Variants in PI4KA observed in about 807,000 individuals in gnomAD.
PI4KA encodes phosphatidylinositol 4-kinase alpha.
Under a neutral mutation model 271.4 loss-of-function variants are expected in PI4KA, and 122 were observed. The observed-to-expected ratio is 0.45, with a 90% confidence interval of 0.39 to 0.52. PI4KA has a LOEUF of 0.52. Ranked by LOEUF, PI4KA falls within the 20% of genes least tolerant of loss-of-function variation. PI4KA has a pLI of 0.00. For missense variants in PI4KA, 1,969 were observed against 2,769.1 expected (o/e 0.71, Z 6.48); for synonymous variants, 1,041 against 1,078.8 (o/e 0.96, Z 0.69).
In PI4KA at chr22:20,753,153, G is replaced by T; in HGVS notation, c.2819C>A (p.Ala940Glu). The T allele has an allele frequency of 1.2e-6, 2 of 1,613,366 alleles. No individual in the cohort carries two copies. The highest frequency in any genetic ancestry group is 1.3e-5 in the African/African-American group (1 of 75,020). The change falls in exon 24 of 55, where the codon GCG becomes GAG. Residue 940 changes from alanine (A) to glutamate (E), a missense_variant. Ala to Glu is a moderately radical substitution (Grantham distance 107). Transcript: ENST00000255882. ...SGMMQCVIAV[A>E]DKVFDAFLNM... Reference sequence around the variant, plus strand: ...CAGGAAGGCATCGAATACTTTGTCCGCGACTGCAATCACACACTGCATCAT... The same window carrying T: ...CAGGAAGGCATCGAATACTTTGTCCTCGACTGCAATCACACACTGCATCAT...
At chr22:20,713,634 C>T (rs1242921482) in intron 47 of PI4KA, among the ~76,000 whole-genome samples, 1 of 152,220 alleles carries the variant, frequency 6.6e-6, no homozygotes, top group Non-Finnish European at 1.5e-5. Context: ...AAACAGAGCC[C>T]CATTTCATCT....
chr22:20,853,705 A>G (rs1187497227), intron 1 of PI4KA, among the ~76,000 whole-genome samples: 1 of 152,156 alleles, frequency 6.6e-6, no homozygotes, highest in African/African-American at 2.4e-5. Flanking sequence ...GGATCAGAAC[A>G]GATGCTCAAG....
At chr22:20,758,208 A>G (rs570612059) in intron 23 of PI4KA, among the ~76,000 whole-genome samples, 2 of 151,930 alleles carry the variant, frequency 1.3e-5, no homozygotes, top group African/African-American at 4.8e-5. Flanking sequence ...TACTAAAAAT[A>G]CAAAAAATTA....
At position 20,787,207 on chromosome 22, in the gene PI4KA, T is replaced by C. The variant is rs756388002; in HGVS notation, c.2328+5986A>G. The C allele has an allele frequency of 7.8e-6, 6 of 765,284 alleles. No homozygotes were observed. The Admixed American group carries it at 1.2e-4, about 16-fold the overall frequency. The allele number at this position is 765,284 out of a possible 1,614,324, so 47.4% of individuals were successfully genotyped here. A position where few individuals can be genotyped will look rare whatever the true frequency, so the allele number is the denominator to read the frequency against. Reference sequence around the variant, plus strand: ...ATTCGAGGCCCATATGAGAGGAGCTTAGAAACGACCAAGAAGAGAGGCTTG... The same window carrying C: ...ATTCGAGGCCCATATGAGAGGAGCTCAGAAACGACCAAGAAGAGAGGCTTG... On this transcript the variant is annotated intron_variant, in intron 19 of 54. Coordinates refer to ENST00000255882, the MANE Select transcript of PI4KA (RefSeq NM_058004.4).
In PI4KA at chr22:20,707,883, A is replaced by C. The variant is rs1924704242; in HGVS notation, c.*164T>G. 9.3e-6 allele frequency: 7 copies of C among 751,384 alleles called. No homozygotes were observed. Among genetic ancestry groups the C allele is most frequent in the Non-Finnish European group, 1.7e-5 (7 of 406,516 alleles). The allele number at this position is 751,384 out of a possible 1,614,324, so 46.5% of individuals were successfully genotyped here. On this transcript the variant is annotated 3_prime_UTR_variant, in exon 55 of 55. Transcript: ENST00000255882. ...GTCGCTGCAGTCCATGGCGTTACCA[A>C]GGCTGCGCCACCCACGTGCTGCCCC...
chr22:20,737,423 G>A (rs967218947), intron 32 of PI4KA, among the ~76,000 whole-genome samples: 6 of 152,020 alleles, frequency 3.9e-5, no homozygotes, highest in African/African-American at 1.5e-4. Context: ...GCCCCCAGGG[G>A]TCAACCAACC....
Position 20,712,506 on chromosome 22 carries a change from A to T in PI4KA, c.5782T>A (p.Ser1928Thr), listed in dbSNP as rs1925430237. ...GCTACCTGCTGGAAGGCCAGAGTGGACTCATCCCCGTACTGGCGTGTGAAG... is the reference window on the plus strand; with the variant it reads ...GCTACCTGCTGGAAGGCCAGAGTGGTCTCATCCCCGTACTGGCGTGTGAAG... The part of the protein sequence containing the change: ...DYFTRQYGDE[S>T]TLAFQQARYN... The change falls in exon 50 of 55, where the codon TCC (serine) becomes ACC (threonine). Residue 1928 changes from serine (S) to threonine (T), a missense_variant. Coordinates refer to ENST00000255882, the MANE Select transcript of PI4KA (RefSeq NM_058004.4). 2 of 1,606,234 alleles carry T rather than the reference A, an allele frequency of 1.2e-6. No homozygotes were observed. Among genetic ancestry groups the T allele is most frequent in the African/African-American group, 2.7e-5 (2 of 74,702 alleles).
chr22:20,763,929 T>C (rs1322437886), intron 22 of PI4KA, among the ~76,000 whole-genome samples: 3 of 152,076 alleles, frequency 2.0e-5, no homozygotes, highest in Non-Finnish European at 2.9e-5. Flanking sequence ...CTGCCTTTCT[T>C]TTATGTATTG....
At chr22:20,833,143 T>C (rs190001484) in intron 3 of PI4KA, among the ~76,000 whole-genome samples, 5 of 152,212 alleles carry the variant, frequency 3.3e-5, no homozygotes, top group African/African-American at 1.2e-4. Flanking sequence ...TTCTGACAGA[T>C]TTTTGGGGGA....
chr22:20,822,696 A>G (rs762575097), intron 4 of PI4KA, among the ~76,000 whole-genome samples: 1 of 152,218 alleles, frequency 6.6e-6, no homozygotes, highest in African/African-American at 2.4e-5. Context: ...TAACTGGTCC[A>G]GGATGTCAGG....
At chr22:20,858,163 C>A (rs1173203772) in intron 1 of PI4KA, among the ~76,000 whole-genome samples, 1 of 152,186 alleles carries the variant, frequency 6.6e-6, no homozygotes, top group Non-Finnish European at 1.5e-5. Context: ...CCCAAGGTCG[C>A]GGAATAAAAA....
chr22:20,809,985 A>G (rs1935901234), intron 9 of PI4KA, among the ~76,000 whole-genome samples: 1 of 152,116 alleles, frequency 6.6e-6, no homozygotes, highest in South Asian at 2.1e-4. Flanking sequence ...GGTATCAGGC[A>G]CTGTGTGTCT....
intron 19 of PI4KA, chr22:20,786,808 T>C (rs1385451763): frequency 3.4e-6 from 5 of 1,449,468 alleles, no homozygotes; most frequent in South Asian, 1.1e-5. Flanking sequence ...TGATATGAGA[T>C]TGTGCTGGGA....
At chr22:20,818,779 G>T (rs957821412) in intron 6 of PI4KA, among the ~76,000 whole-genome samples, 6 of 152,112 alleles carry the variant, frequency 3.9e-5, no homozygotes, top group African/African-American at 1.4e-4. Flanking sequence ...GAGCTGAATT[G>T]TCCTCAGTGT....
At position 20,751,380 on chromosome 22, in the gene PI4KA, C is replaced by G. The variant is rs1297332538; in HGVS notation, c.3070-4G>C. On this transcript the variant is annotated splice_region_variant and splice_polypyrimidine_tract_variant and intron_variant, in intron 26 of 54. Transcript: ENST00000255882. Reference sequence around the variant, plus strand: ...AAGGCTGATCCTTGTGAATATCCTGCAAGCACAGCAAGACTCCCTCTTCCA... The same window carrying G: ...AAGGCTGATCCTTGTGAATATCCTGGAAGCACAGCAAGACTCCCTCTTCCA... The G allele has an allele frequency of 1.9e-6, 3 of 1,612,360 alleles. No individual in the cohort carries two copies. The highest frequency in any genetic ancestry group is 2.2e-5 in the South Asian group (2 of 90,836).
intron 18 of PI4KA, 75 bp from the exon 19 acceptor site, chr22:20,793,318 CAT>C: frequency 1.2e-6 from 1 of 827,128 alleles, no homozygotes; most frequent in Non-Finnish European, 2.0e-6. Flanking sequence ...CAAGATACAA[CAT>C]AGTGTTATGT....
chr22:20,740,646 A>G (rs1197334891), intron 32 of PI4KA, among the ~76,000 whole-genome samples: 3 of 152,200 alleles, frequency 2.0e-5, no homozygotes, highest in Non-Finnish European at 4.4e-5. Context: ...TAGTCAAAAG[A>G]AAAACAATAA....
At chr22:20,778,520 A>G (rs178035) in intron 19 of PI4KA, among the ~76,000 whole-genome samples, 74,055 of 151,966 alleles carry the variant, frequency 0.49, 18,563 homozygotes, top group African/African-American at 0.59. Flanking sequence ...TAAAAACAAC[A>G]AAAGCCAATT....
chr22:20,852,758 G>A (rs1418935173), intron 1 of PI4KA, among the ~76,000 whole-genome samples: 5 of 152,104 alleles, frequency 3.3e-5, no homozygotes, highest in Non-Finnish European at 7.3e-5. Flanking sequence ...CCAACACTAT[G>A]ATTTTTACTC....
Sources: gnomAD v4.1 joint callset for allele counts (sites outside exome capture counted in the v4.1 genomes callset) on GRCh38, gnomAD v4.1.1 for gene constraint, MANE v1.5 for transcripts, NCBI Gene and HGNC (gene_info 2026-07-23, HGNC 2026-07-21) for gene names.